ZBTB20: variants seen among roughly 807,000 people sequenced by gnomAD.
The protein encoded by ZBTB20 is zinc finger and BTB domain containing 20.
A neutral mutation model predicts 56.9 loss-of-function variants in ZBTB20; 9 were observed. The ratio of observed to expected loss-of-function variants is 0.16; its 90% confidence interval spans 0.10 to 0.28. The LOEUF is 0.28. Among genes scored for constraint, ZBTB20 ranks in the 10% least tolerant of loss-of-function variants. ZBTB20 has a pLI of 1.00. For missense variants in ZBTB20, 655 were observed against 1,003.0 expected, an observed-to-expected ratio of 0.65 and a Z score of 4.69; for synonymous variants, 417 against 420.7, an observed-to-expected ratio of 0.99 and a Z score of 0.11.
intron 3 of ZBTB20, among the ~76,000 whole-genome samples, chr3:114,948,115 A>C (rs1159950030): frequency 6.9e-6 from 1 of 145,896 alleles, no homozygotes; most frequent in African/African-American, 2.8e-5. Context: ...AACATCAAGT[A>C]GGGTTTATTC....
chr3:114,741,664 G>A (rs1003809107), intron 5 of ZBTB20, among the ~76,000 whole-genome samples: 1 of 151,760 alleles, frequency 6.6e-6, no homozygotes, highest in Non-Finnish European at 1.5e-5. Context: ...CATGAGGTCA[G>A]GAGTTCAAGA....
At chr3:114,592,525 C>T (rs2055877304) in intron 6 of ZBTB20, among the ~76,000 whole-genome samples, 2 of 152,114 alleles carry the variant, frequency 1.3e-5, no homozygotes, top group South Asian at 4.1e-4. Flanking sequence ...AGAAAAGAGA[C>T]AATGAAGGTA....
intron 5 of ZBTB20, among the ~76,000 whole-genome samples, chr3:114,756,162 T>C (rs2067994539): frequency 6.6e-6 from 1 of 152,082 alleles, no homozygotes; most frequent in East Asian, 1.9e-4. Flanking sequence ...ATAAGACAAA[T>C]AAACAAAACA....
At position 114,844,533 on chromosome 3, in the gene ZBTB20, A is replaced by AAAAAAAAAAC. The variant is rs1560313126; in HGVS notation, c.-416-43360_-416-43359insGTTTTTTTTT. Among the ~76,000 whole-genome samples, 71 of 139,626 alleles carry AAAAAAAAAAC rather than the reference A, an allele frequency of 5.1e-4. 1 individual carries two copies. Among genetic ancestry groups the AAAAAAAAAAC allele is most frequent in the African/African-American group, 1.8e-3 (68 of 37,062 alleles). The allele number at this position is 139,626 out of a possible 152,430, so 91.6% of individuals were successfully genotyped here. ...AAGTCCCTGTCTCAAAAAAAAAAAA[A>AAAAAAAAAAC]AAAAAAAAAAAAAAAAAAACTTTCA... On this transcript the variant is annotated intron_variant, in intron 4 of 11. Coordinates refer to ENST00000675478, the MANE Select transcript of ZBTB20 (RefSeq NM_001348800.3).
chr3:114,319,986 T>A lies in ZBTB20; in HGVS notation c.*19019A>T, dbSNP rs2078836018. The A allele has an allele frequency of 6.6e-6, 1 of 152,198 alleles. No individual in the cohort carries two copies. The highest frequency in any genetic ancestry group is 2.1e-4 in the South Asian group (1 of 4,828). 9.4% of individuals were successfully genotyped at this position (152,198 alleles called of 1,614,324 possible). A position where few individuals can be genotyped will look rare whatever the true frequency, so the allele number is the denominator to read the frequency against. ...GGCTGGGGTTATTTCCTCCATACTT[T>A]CTTCCACATTTAACCTGTTTGGGCA... is the stretch of plus-strand genomic sequence containing the variant. On this transcript the variant is annotated 3_prime_UTR_variant, in exon 12 of 12. Transcript: ENST00000675478.
intron 6 of ZBTB20, among the ~76,000 whole-genome samples, chr3:114,663,225 G>T (rs1235925979): frequency 6.9e-6 from 1 of 145,652 alleles, no homozygotes; most frequent in African/African-American, 2.6e-5. Flanking sequence ...GAGAGTGGGG[G>T]CCAATATTCA....
intron 7 of ZBTB20, among the ~76,000 whole-genome samples, chr3:114,428,983 A>ATT (rs1192633911): frequency 7.0e-6 from 1 of 143,850 alleles, no homozygotes; most frequent in East Asian, 2.3e-4. Flanking sequence ...TATTTAAACA[A>ATT]TTATACATAT....
At chr3:115,066,969 A>C (rs930268045) in intron 2 of ZBTB20, among the ~76,000 whole-genome samples, 1 of 152,070 alleles carries the variant, frequency 6.6e-6, no homozygotes, top group African/African-American at 2.4e-5. Flanking sequence ...TTTATCTTTT[A>C]GGGATTATAG....
chr3:115,044,644 C>T (rs890461842), intron 2 of ZBTB20, among the ~76,000 whole-genome samples: 5 of 152,106 alleles, frequency 3.3e-5, no homozygotes, highest in African/African-American at 4.8e-5. Flanking sequence ...TAAAACATAC[C>T]AATGCCAGAG....
chr3:114,984,744 T>C (rs576242892), intron 2 of ZBTB20, among the ~76,000 whole-genome samples: 1 of 152,148 alleles, frequency 6.6e-6, no homozygotes, highest in African/African-American at 2.4e-5. Flanking sequence ...AAAAGACTAA[T>C]CAATTGAGTA....
intron 6 of ZBTB20, among the ~76,000 whole-genome samples, chr3:114,682,460 G>A (rs2062037184): frequency 6.6e-6 from 1 of 152,174 alleles, no homozygotes. Context: ...GTAGAAATGT[G>A]TGAGATTTCA....
intron 6 of ZBTB20, among the ~76,000 whole-genome samples, chr3:114,512,667 A>C (rs6791545): frequency 0.36 from 54,497 of 151,984 alleles, 11,260 homozygotes; most frequent in African/African-American, 0.58. Flanking sequence ...CTCCCAACTA[A>C]CTTTTCTTTC....
At chr3:114,922,120 C>T (rs1418518053) in intron 3 of ZBTB20, among the ~76,000 whole-genome samples, 1 of 152,004 alleles carries the variant, frequency 6.6e-6, no homozygotes, top group Non-Finnish European at 1.5e-5. Flanking sequence ...AAGCACCTGA[C>T]AAAAATCAAT....
intron 4 of ZBTB20, among the ~76,000 whole-genome samples, chr3:114,813,507 T>C (rs1214335633): frequency 6.6e-6 from 1 of 152,216 alleles, no homozygotes; most frequent in African/African-American, 2.4e-5. Flanking sequence ...TCCTAGCATT[T>C]TGCAAGGCTG....
chr3:115,010,512 CAAG>C (rs1172546955), intron 2 of ZBTB20, among the ~76,000 whole-genome samples: 2 of 151,938 alleles, frequency 1.3e-5, no homozygotes, highest in Non-Finnish European at 2.9e-5. Flanking sequence ...GCCTGGTAAT[CAAG>C]AGAATTCTCC....
At chr3:114,563,099 T>C (rs2052289761) in intron 6 of ZBTB20, among the ~76,000 whole-genome samples, 1 of 152,170 alleles carries the variant, frequency 6.6e-6, no homozygotes, top group African/African-American at 2.4e-5. Flanking sequence ...AAAAATGTAA[T>C]GTCTGGAAAG....
At chr3:114,813,589 G>A (rs2140347) in intron 4 of ZBTB20, among the ~76,000 whole-genome samples, 135,728 of 152,158 alleles carry the variant, frequency 0.89, 61,256 homozygotes, top group East Asian at 0.98. Context: ...TGTCTGTACA[G>A]AAAATGCAAA....
chr3:114,817,205 ACACAC>A, intron 4 of ZBTB20, among the ~76,000 whole-genome samples: 1 of 151,686 alleles, frequency 6.6e-6, no homozygotes, highest in Admixed American at 6.6e-5. Context: ...ACACACACAC[ACACAC>A]ACACACACAC....
intron 7 of ZBTB20, among the ~76,000 whole-genome samples, chr3:114,433,379 A>G (rs2090265468): frequency 6.6e-6 from 1 of 152,194 alleles, no homozygotes; most frequent in African/African-American, 2.4e-5. Flanking sequence ...AAATACATCA[A>G]TAATAATTTA....
Sources: gnomAD v4.1 joint callset for allele counts (sites outside exome capture counted in the v4.1 genomes callset) on GRCh38, gnomAD v4.1.1 for gene constraint, MANE v1.5 for transcripts, NCBI Gene and HGNC (gene_info 2026-07-23, HGNC 2026-07-21) for gene names.